Variants in CHRM3 observed in about 807,000 individuals in gnomAD.
The protein encoded by CHRM3 is muscarinic acetylcholine receptor M3.
CHRM3 carries 11 observed loss-of-function variants against 41.8 expected under a neutral mutation model. The observed-to-expected ratio is 0.26, with a 90% CI of 0.17 to 0.44. The LOEUF is 0.44. Ranked by LOEUF, CHRM3 falls within the 20% of genes least tolerant of loss-of-function variation. The pLI is 1.00. For synonymous variants in CHRM3, 297 were observed against 301.4 expected, an observed-to-expected ratio of 0.99 and a Z score of 0.15; for missense variants, 571 against 745.4, an observed-to-expected ratio of 0.77 and a Z score of 2.72.
intron 4 of CHRM3, among the ~76,000 whole-genome samples, chr1:239,638,376 C>T (rs1288278737): frequency 6.6e-6 from 1 of 152,062 alleles, no homozygotes; most frequent in Non-Finnish European, 1.5e-5. Flanking sequence ...TACAGTCCCA[C>T]CAGCAGTGTA....
chr1:239,610,485 T>A (rs912201654), intron 3 of CHRM3, among the ~76,000 whole-genome samples: 1 of 152,186 alleles, frequency 6.6e-6, no homozygotes, highest in Admixed American at 6.5e-5. Context: ...TCTCTAATGC[T>A]GCTCCTAATC....
At chr1:239,857,988 A>G (rs1391887308) in intron 6 of CHRM3, among the ~76,000 whole-genome samples, 1 of 152,138 alleles carries the variant, frequency 6.6e-6, no homozygotes, top group Non-Finnish European at 1.5e-5. Flanking sequence ...TATTATTGAT[A>G]TATATTATTA....
At chr1:239,553,187 A>G (rs1444031872) in intron 3 of CHRM3, among the ~76,000 whole-genome samples, 3 of 152,130 alleles carry the variant, frequency 2.0e-5, no homozygotes, top group Non-Finnish European at 4.4e-5. Context: ...CCTCACCACT[A>G]TAGGACAGAC....
intron 3 of CHRM3, among the ~76,000 whole-genome samples, chr1:239,563,955 T>C (rs1661119217): frequency 6.6e-6 from 1 of 152,180 alleles, no homozygotes; most frequent in African/African-American, 2.4e-5. Context: ...TTCAAAAGCA[T>C]GCTGCCTTTC....
In CHRM3 at chr1:239,683,505, C is replaced by T. The variant is rs10925950; in HGVS notation, c.-147+5217C>T. Among the ~76,000 whole-genome samples, 1,302 of 152,250 alleles carry T rather than the reference C, an allele frequency of 8.6e-3. 18 individuals are homozygous for T. Among genetic ancestry groups the T allele is most frequent in the African/African-American group, 0.03 (1,252 of 41,554 alleles). On this transcript the variant is annotated intron_variant, in intron 5 of 6. Coordinates refer to ENST00000676153, the MANE Select transcript of CHRM3 (RefSeq NM_001375978.1). ...TTTATTCAGGCATAACTGCCCAAAC[C>T]TTTTCTTTTCACCATTATTTTCATC... is the stretch of plus-strand genomic sequence containing the variant.
intron 6 of CHRM3, among the ~76,000 whole-genome samples, chr1:239,829,023 T>C (rs895369604): frequency 1.3e-5 from 2 of 152,212 alleles, no homozygotes; most frequent in Non-Finnish European, 2.9e-5. Flanking sequence ...CTGCAGCAGG[T>C]GTGCAGACAC....
At chr1:239,763,680 T>C (rs1484339003) in intron 5 of CHRM3, among the ~76,000 whole-genome samples, 1 of 152,112 alleles carries the variant, frequency 6.6e-6, no homozygotes, top group Admixed American at 6.5e-5. Flanking sequence ...TGAACTCCCA[T>C]GAATCATTTC....
At chr1:239,403,976 GGAGAGAGA>G (rs531556599) in intron 1 of CHRM3, among the ~76,000 whole-genome samples, 78 of 46,504 alleles carry the variant, frequency 1.7e-3, no homozygotes, top group African/African-American at 2.0e-3. Flanking sequence ...AGAGGGAGGG[GGAGAGAGA>G]GAGAGAGAGA....
chr1:239,736,881 A>G (rs1381478624), intron 5 of CHRM3, among the ~76,000 whole-genome samples: 1 of 152,204 alleles, frequency 6.6e-6, no homozygotes, highest in Non-Finnish European at 1.5e-5. Context: ...AATCATAGAA[A>G]TCGATTCTCT....
chr1:239,897,127 A>G (rs1474562380), intron 6 of CHRM3, among the ~76,000 whole-genome samples: 2 of 152,164 alleles, frequency 1.3e-5, no homozygotes, highest in Non-Finnish European at 2.9e-5. Flanking sequence ...CTGGCCCTGC[A>G]TGCTATGGCA....
chr1:239,401,921 A>G lies in CHRM3; in HGVS notation c.-521+14694A>G, dbSNP rs367847352. Among the ~76,000 whole-genome samples, 5 of 152,264 alleles carry G rather than the reference A, an allele frequency of 3.3e-5. No homozygotes were observed. The East Asian group carries it at 9.7e-4, about 29-fold the overall frequency. On this transcript the variant is annotated intron_variant, in intron 1 of 6. Transcript: ENST00000676153. Reference sequence around the variant, plus strand: ...CTCTAAGCCTGGATCTTCTGACTCCATGTCTAAGTTTCTATGTAGACTCCT... The same window carrying G: ...CTCTAAGCCTGGATCTTCTGACTCCGTGTCTAAGTTTCTATGTAGACTCCT...
intron 1 of CHRM3, among the ~76,000 whole-genome samples, chr1:239,420,081 A>T (rs990247409): frequency 1.3e-5 from 2 of 152,204 alleles, no homozygotes; most frequent in African/African-American, 4.8e-5. Flanking sequence ...AGGCCTGTTT[A>T]GAAGCTGGGC....
chr1:239,828,111 T>G (rs1291177651), intron 6 of CHRM3, among the ~76,000 whole-genome samples: 1 of 152,166 alleles, frequency 6.6e-6, no homozygotes, highest in East Asian at 1.9e-4. Flanking sequence ...AGATTCTGTT[T>G]CTGTTAGGAA....
chr1:239,664,031 A>G (rs1673518696), intron 4 of CHRM3, among the ~76,000 whole-genome samples: 1 of 152,174 alleles, frequency 6.6e-6, no homozygotes, highest in Admixed American at 6.5e-5. Context: ...CAAATGGGAT[A>G]CTCAAATTTA....
At chr1:239,778,594 C>T (rs1668281739) in intron 5 of CHRM3, among the ~76,000 whole-genome samples, 3 of 152,198 alleles carry the variant, frequency 2.0e-5, no homozygotes. Flanking sequence ...TTGCCTTTCT[C>T]TGGCCCTTCT....
chr1:239,863,842 T>G (rs1019083152), intron 6 of CHRM3, among the ~76,000 whole-genome samples: 1 of 152,134 alleles, frequency 6.6e-6, no homozygotes, highest in African/African-American at 2.4e-5. Flanking sequence ...CTCTTTGGTT[T>G]TTAAAAAGGA....
At chr1:239,768,248 A>T (rs972082676) in intron 5 of CHRM3, among the ~76,000 whole-genome samples, 22 of 152,168 alleles carry the variant, frequency 1.4e-4, no homozygotes, top group Admixed American at 1.3e-3. Context: ...CCTAAAGCAT[A>T]TCTTAGGATT....
chr1:239,679,958 G>A (rs193064455), intron 5 of CHRM3, among the ~76,000 whole-genome samples: 13 of 152,000 alleles, frequency 8.6e-5, no homozygotes, highest in Admixed American at 3.9e-4. Context: ...CGGCTTCACC[G>A]CAGAAGATTA....
intron 5 of CHRM3, chr1:239,707,617 T>C (rs1204847772): frequency 1.3e-5 from 2 of 152,174 alleles, no homozygotes; most frequent in African/African-American, 2.4e-5. Context: ...AGACATACAA[T>C]AGCAAGAAAG....
Sources: allele counts gnomAD v4.1 joint callset (sites outside exome capture counted in the v4.1 genomes callset), GRCh38; gene constraint gnomAD v4.1.1; transcripts MANE v1.5; gene names NCBI Gene and HGNC (gene_info 2026-07-23, HGNC 2026-07-21).